Variants in IL15 observed in about 807,000 individuals in gnomAD.
The protein encoded by IL15 is interleukin 15.
IL15 carries 11 observed loss-of-function variants against 19.6 expected under a neutral mutation model. The observed-to-expected ratio is 0.56, with a 90% CI of 0.35 to 0.93. The LOEUF (loss-of-function observed/expected upper bound fraction) is 0.93, where lower values mean the gene tolerates loss of function less well. Among genes scored for constraint, IL15 ranks in the 40% least tolerant of loss-of-function variants. The pLI, the probability that IL15 is intolerant of heterozygous loss-of-function variation, is 0.01. For synonymous variants in IL15, 58 were observed against 59.6 expected, an observed-to-expected ratio of 0.97 and a Z score of 0.12; for missense variants, 197 against 186.5, an observed-to-expected ratio of 1.06 and a Z score of -0.33.
Position 141,656,396 on chromosome 4 carries a change from G to A in IL15, c.-100+89G>A, listed in dbSNP as rs143151545. 4.7e-4 allele frequency: 185 copies of A among 395,350 alleles called. 1 individual carries two copies. Among genetic ancestry groups the A allele is most frequent in the African/African-American group, 3.2e-3 (156 of 48,684 alleles). 24.5% of individuals were successfully genotyped at this position (395,350 alleles called of 1,614,324 possible). A position where few individuals can be genotyped will look rare whatever the true frequency, so the allele number is the denominator to read the frequency against. On this transcript the variant is annotated intron_variant, in intron 2 of 7. Coordinates refer to ENST00000320650, the MANE Select transcript of IL15 (RefSeq NM_000585.5). The stretch of plus-strand genomic sequence containing the variant: ...TAATAAGGAAAATGTGGCAAAACAG[G>A]TGAAGTTATATATACTCACAGCTTT...
chr4:141,706,777 A>G (rs1260248341), intron 2 of IL15, among the ~76,000 whole-genome samples: 3 of 151,562 alleles, frequency 2.0e-5, no homozygotes, highest in African/African-American at 7.3e-5. Flanking sequence ...GAAAAATCTG[A>G]TAGTCTAATA....
chr4:141,699,847 T>G (rs144867880), intron 2 of IL15, among the ~76,000 whole-genome samples: 170 of 152,318 alleles, frequency 1.1e-3, no homozygotes, highest in African/African-American at 4.0e-3. Flanking sequence ...GAAGTACTGT[T>G]CTATTCATCA....
intron 1 of IL15, among the ~76,000 whole-genome samples, chr4:141,643,802 A>G (rs1727131153): frequency 6.6e-6 from 1 of 152,022 alleles, no homozygotes; most frequent in African/African-American, 2.4e-5. Context: ...TCACAAATGT[A>G]CGGGTGAATC....
chr4:141,653,717 C>A (rs868192218), intron 1 of IL15, among the ~76,000 whole-genome samples: 1 of 152,072 alleles, frequency 6.6e-6, no homozygotes, highest in Non-Finnish European at 1.5e-5. Context: ...AAGCAGTACC[C>A]TACTGATGGA....
intron 2 of IL15, among the ~76,000 whole-genome samples, chr4:141,696,485 C>G (rs1729100080): frequency 6.6e-6 from 1 of 151,916 alleles, no homozygotes; most frequent in Admixed American, 6.6e-5. Context: ...TATTTTGATA[C>G]GTATTCCATT....
intron 1 of IL15, among the ~76,000 whole-genome samples, chr4:141,642,257 A>G (rs961805476): frequency 6.6e-6 from 1 of 152,056 alleles, no homozygotes; most frequent in Non-Finnish European, 1.5e-5. Context: ...GGAAGTGAGG[A>G]AGGAGAACTT....
chr4:141,733,105 G>T lies in IL15; in HGVS notation c.*257G>T. The T allele has an allele frequency of 6.2e-6, 2 of 321,966 alleles. No individual in the cohort carries two copies. Among genetic ancestry groups the T allele is most frequent in the South Asian group, 7.2e-5 (1 of 13,878 alleles). The allele number at this position is 321,966 out of a possible 1,614,324, so 19.9% of individuals were successfully genotyped here. On this transcript the variant is annotated 3_prime_UTR_variant, in exon 8 of 8. Coordinates refer to ENST00000320650, the MANE Select transcript of IL15 (RefSeq NM_000585.5). ...TATTATTGAAATTGTACATATTTGT[G>T]GAATAATGTAAAATGTTGAATAAAA...
chr4:141,702,463 G>A (rs1400802822), intron 2 of IL15, among the ~76,000 whole-genome samples: 2 of 152,222 alleles, frequency 1.3e-5, no homozygotes, highest in East Asian at 3.8e-4. Flanking sequence ...GGTGGCAGGG[G>A]AGTGACGTAG....
At chr4:141,666,691 C>A (rs939034024) in intron 2 of IL15, among the ~76,000 whole-genome samples, 1 of 151,890 alleles carries the variant, frequency 6.6e-6, no homozygotes, top group African/African-American at 2.4e-5. Context: ...TTTTTCTCCC[C>A]AAGGAAGGCC....
At chr4:141,703,596 C>T (rs1189675720) in intron 2 of IL15, among the ~76,000 whole-genome samples, 1 of 152,100 alleles carries the variant, frequency 6.6e-6, no homozygotes, top group Non-Finnish European at 1.5e-5. Flanking sequence ...ATCTCCCCGT[C>T]TCATACTCTG....
chr4:141,689,188 A>G (rs565283962), intron 2 of IL15, among the ~76,000 whole-genome samples: 1 of 152,264 alleles, frequency 6.6e-6, no homozygotes, highest in African/African-American at 2.4e-5. Flanking sequence ...GTGAGCAGTA[A>G]CAAGATTAAT....
At chr4:141,641,203 A>C (rs1350166056) in intron 1 of IL15, among the ~76,000 whole-genome samples, 1 of 152,238 alleles carries the variant, frequency 6.6e-6, no homozygotes, top group African/African-American at 2.4e-5. Flanking sequence ...CTGCAACAAA[A>C]ATAAGTACAT....
chr4:141,717,336 G>A (rs1729920201), intron 2 of IL15: 1 of 152,148 alleles, frequency 6.6e-6, no homozygotes, highest in African/African-American at 2.4e-5. Flanking sequence ...AGGTAATTAG[G>A]TATCTCTTTA....
chr4:141,675,027 G>A (rs969831421), intron 2 of IL15, among the ~76,000 whole-genome samples: 26 of 152,068 alleles, frequency 1.7e-4, no homozygotes, highest in African/African-American at 6.3e-4. Flanking sequence ...AGCTCATTCA[G>A]GTTGTTGGCA....
rs74620824 is a variant in IL15, at chr4:141,645,734, G to A, written c.-222+8986G>A. On this transcript the variant is annotated intron_variant, in intron 1 of 7. Coordinates refer to ENST00000320650, the MANE Select transcript of IL15 (RefSeq NM_000585.5). ...GAATGACTTGTCTCTACACTGCAAT[G>A]TATGTGGCCTCAGATGGTATGACTC... Among the ~76,000 whole-genome samples, 1,492 of 152,204 alleles carry A rather than the reference G, an allele frequency of 9.8e-3. 25 individuals carry two copies. The highest frequency in any genetic ancestry group is 0.035 in the African/African-American group (1,434 of 41,538).
chr4:141,665,391 G>A (rs1727935693), intron 2 of IL15, among the ~76,000 whole-genome samples: 1 of 152,000 alleles, frequency 6.6e-6, no homozygotes, highest in African/African-American at 2.4e-5. Context: ...TCATGACAGT[G>A]TATTTTATTT....
chr4:141,724,096 A>G (rs1391215321), intron 5 of IL15, among the ~76,000 whole-genome samples: 1 of 152,160 alleles, frequency 6.6e-6, no homozygotes, highest in Non-Finnish European at 1.5e-5. Flanking sequence ...AAATTTTTTC[A>G]GAACTTAAAT....
intron 2 of IL15, chr4:141,715,571 G>T (rs1347184859): frequency 6.6e-6 from 1 of 152,010 alleles, no homozygotes; most frequent in East Asian, 1.9e-4. Flanking sequence ...TCAAGATTGT[G>T]TTCTGCCATC....
At chr4:141,686,432 C>T (rs1482812313) in intron 2 of IL15, among the ~76,000 whole-genome samples, 1 of 152,132 alleles carries the variant, frequency 6.6e-6, no homozygotes, top group African/African-American at 2.4e-5. Flanking sequence ...TCATTATCGT[C>T]CAGAATTTAA....
Sources: gnomAD v4.1 joint callset for allele counts (sites outside exome capture counted in the v4.1 genomes callset) on GRCh38, gnomAD v4.1.1 for gene constraint, MANE v1.5 for transcripts, NCBI Gene and HGNC (gene_info 2026-07-23, HGNC 2026-07-21) for gene names.